FSIP2: variants seen among roughly 807,000 people sequenced by gnomAD.
The protein encoded by FSIP2 is fibrous sheath interacting protein 2, also known as fibrous sheath-interacting protein 2.
FSIP2 carries 367 observed loss-of-function variants against 510.5 expected under a neutral mutation model. That is an observed-to-expected ratio of 0.72 (90% confidence interval 0.66 to 0.78). FSIP2 has a LOEUF of 0.78. Among genes scored for constraint, FSIP2 ranks in the 30% least tolerant of loss-of-function variants. FSIP2 has a pLI of 0.00. For missense variants in FSIP2, 7,594 were observed against 7,901.7 expected (o/e 0.96, Z 1.48); for synonymous variants, 2,601 against 2,732.2 (o/e 0.95, Z 1.50).
At position 185,806,297 on chromosome 2, in the gene FSIP2, C is replaced by T. The variant is rs530319829; in HGVS notation, c.16991C>T (p.Thr5664Met). ...NEGRRDSPTQ[T>M]CRDEEHHSDY... ...GGGAGAAGAGACTCTCCAACACAAACGTGTAGGGATGAGGAACACCACTCA... is the reference window on the plus strand; with the variant it reads ...GGGAGAAGAGACTCTCCAACACAAATGTGTAGGGATGAGGAACACCACTCA... Residue 5664 changes from threonine to methionine, a missense_variant, in exon 17 of 23, where the codon ACG becomes ATG. Physicochemically the swap from Thr to Met is moderately conservative, Grantham distance 81 (BLOSUM62 -1). Coordinates refer to ENST00000424728, the MANE Select transcript of FSIP2 (RefSeq NM_173651.4). 1.2e-5 allele frequency: 20 copies of T among 1,606,286 alleles called. No homozygotes were observed. The East Asian group carries it at 2.7e-4, about 22-fold the overall frequency.
intron 9 of FSIP2, among the ~76,000 whole-genome samples, chr2:185,758,093 G>A (rs1360630232): frequency 2.0e-5 from 3 of 151,204 alleles, no homozygotes; most frequent in African/African-American, 7.3e-5. Context: ...CATACATTAT[G>A]TAACTTTATA....
chr2:185,802,406 C>G lies in FSIP2; in HGVS notation c.13100C>G (p.Thr4367Arg). The change falls in exon 17 of 23, where the codon ACA becomes AGA. Residue 4367 changes from threonine to arginine, a missense_variant. Physicochemically the swap from Thr to Arg is moderately conservative, Grantham distance 71. Transcript: ENST00000424728. The stretch of plus-strand genomic sequence containing the variant: ...GAACAGGCTTTCTTTTCTTTCAATA[C>G]AGATATTGTGGATGAACTTGCCACC... ...DKEQAFFSFN[T>R]DIVDELATSV... The G allele has an allele frequency of 6.5e-7, 1 of 1,533,452 alleles. No individual in the cohort carries two copies. The highest frequency in any genetic ancestry group is 8.7e-7 in the Non-Finnish European group (1 of 1,145,288). 95.0% of individuals were successfully genotyped at this position (1,533,452 alleles called of 1,614,324 possible). A position where few individuals can be genotyped will look rare whatever the true frequency, so the allele number is the denominator to read the frequency against.
chr2:185,790,712 C>G lies in FSIP2; in HGVS notation c.3576C>G (p.Ser1192=). The stretch of plus-strand genomic sequence containing the variant: ...ACATTTCCAATACCACTAAAAGTTC[C>G]ATTTCATCATCAGTTCATCAGATTT... ...SNYISNTTKS[S]ISSSVHQISL... is the part of the protein sequence containing the mutation. Residue 1192 remains serine (S), a synonymous_variant, in exon 16 of 23, where the codon TCC becomes TCG. Transcript: ENST00000424728. The G allele has an allele frequency of 6.5e-7, 1 of 1,533,906 alleles. No individual in the cohort carries two copies. Among genetic ancestry groups the G allele is most frequent in the Non-Finnish European group, 8.7e-7 (1 of 1,145,404 alleles).
chr2:185,792,071 G>A lies in FSIP2; in HGVS notation c.4935G>A (p.Lys1645=). The stretch of plus-strand genomic sequence containing the variant: ...CTGCTTTATATATGCATGCAAAGAA[G>A]GTATCAAGTGCTATTTTGAAGGTTA... ...FLSALYMHAK[K]VSSAILKVIQ... The change falls in exon 16 of 23, where the codon AAG becomes AAA. Residue 1645 remains lysine (K), a synonymous_variant. Coordinates refer to ENST00000424728, the MANE Select transcript of FSIP2 (RefSeq NM_173651.4). 6.5e-7 allele frequency: 1 copy of A among 1,533,650 alleles called. No homozygotes were observed. The highest frequency in any genetic ancestry group is 1.2e-5 in the South Asian group (1 of 84,002).
rs766097562 is a variant in FSIP2, at chr2:185,791,789, A to G, written c.4653A>G (p.Glu1551=). The G allele has an allele frequency of 1.3e-6, 2 of 1,534,430 alleles. No homozygotes were observed. The highest frequency in any genetic ancestry group is 2.4e-5 in the South Asian group (2 of 83,984). ...GAAGGGTTCAGGAGGACAATAAAGA[A>G]GAGACTAAAAGCAAGGCAAAACCTG... ...VSRRVQEDNK[E]ETKSKAKPVA... is the part of the protein sequence containing the mutation. Residue 1551 remains glutamate (E), a synonymous_variant, in exon 16 of 23, where the codon GAA becomes GAG. Coordinates refer to ENST00000424728, the MANE Select transcript of FSIP2 (RefSeq NM_173651.4).
At chr2:185,750,602 T>C (rs1425403853) in intron 7 of FSIP2, among the ~76,000 whole-genome samples, 3 of 26,896 alleles carry the variant, frequency 1.1e-4, no homozygotes, top group East Asian at 2.0e-3. Flanking sequence ...TGCATTTCTC[T>C]GTTTTTTTTT....
At chr2:185,742,768 T>C (rs1544710) in intron 2 of FSIP2, among the ~76,000 whole-genome samples, 82,783 of 152,090 alleles carry the variant, frequency 0.54, 22,796 homozygotes, top group South Asian at 0.64. Flanking sequence ...TAGAATATTT[T>C]GATTCGAGAG....
rs562391567 is a variant in FSIP2, at chr2:185,802,000, C to T, written c.12694C>T (p.Gln4232Ter). Residue 4232 changes from glutamine (Q) to a stop codon, truncating the protein, a stop_gained, in exon 17 of 23, where the codon CAA becomes TAA. Coordinates refer to ENST00000424728, the MANE Select transcript of FSIP2 (RefSeq NM_173651.4). LOFTEE classifies it high-confidence loss of function. Reference protein sequence around the residue: ...LQMSDSLVSIQKSIVSRSPIM... With the variant: ...LQMSDSLVSI The stretch of plus-strand genomic sequence containing the variant: ...AATGTCTGACTCTCTTGTTTCAATA[C>T]AAAAAAGTATAGTAAGCCGAAGCCC... 3.9e-6 allele frequency: 6 copies of T among 1,522,942 alleles called. No homozygotes were observed. The South Asian group carries it at 6.1e-5, about 15-fold the overall frequency. The allele number at this position is 1,522,942 out of a possible 1,614,324, so 94.3% of individuals were successfully genotyped here.
chr2:185,793,093 C>A lies in FSIP2; in HGVS notation c.5957C>A (p.Ser1986Ter). ...FSCCSVDHTK[S>*]GKTNLCQLSL... is the part of the protein sequence containing the mutation. ...TGTTGCTCAGTAGATCATACCAAGT[C>A]AGGAAAGACCAACTTGTGCCAACTG... Residue 1986 changes from serine (S) to a stop codon, truncating the protein, a stop_gained, in exon 16 of 23, where the codon TCA becomes TAA. Coordinates refer to ENST00000424728, the MANE Select transcript of FSIP2 (RefSeq NM_173651.4). LOFTEE classifies it high-confidence loss of function. The A allele has an allele frequency of 6.5e-7, 1 of 1,534,298 alleles. No homozygotes were observed. Among genetic ancestry groups the A allele is most frequent in the South Asian group, 1.2e-5 (1 of 84,006 alleles).
intron 19 of FSIP2, among the ~76,000 whole-genome samples, chr2:185,818,796 G>C (rs115092229): frequency 0.015 from 2,261 of 151,894 alleles, 28 homozygotes; most frequent in Non-Finnish European, 0.025. Flanking sequence ...ATTAACACTA[G>C]ATCTACCTGA....
intron 17 of FSIP2, 80 bp downstream of exon 17, chr2:185,809,213 T>C (rs1032708401): frequency 6.3e-6 from 9 of 1,431,648 alleles, no homozygotes; most frequent in Non-Finnish European, 8.4e-6. Flanking sequence ...CAAATAAGTA[T>C]ATGGAAATGC....
chr2:185,824,360 G>A, intron 19 of FSIP2, 74 bp from the exon 20 acceptor site: 3 of 954,472 alleles, frequency 3.1e-6, no homozygotes, highest in Non-Finnish European at 5.0e-6. Flanking sequence ...GAGAATAACT[G>A]TTCTTTTGCT....
chr2:185,774,166 T>A (rs1423211421), intron 13 of FSIP2, among the ~76,000 whole-genome samples: 2 of 152,160 alleles, frequency 1.3e-5, no homozygotes, highest in Non-Finnish European at 2.9e-5. Context: ...GAAGTTGTCA[T>A]TTGCCTGGGT....
At position 185,796,533 on chromosome 2, in the gene FSIP2, A is replaced by G. The variant is rs1381684261; in HGVS notation, c.9397A>G (p.Asn3133Asp). The change falls in exon 16 of 23, where the codon AAT becomes GAT. Residue 3133 changes from asparagine to aspartate, a missense_variant. Coordinates refer to ENST00000424728, the MANE Select transcript of FSIP2 (RefSeq NM_173651.4). ...ACTAATGGACCAGTGTACTTATTTC[A>G]ATGAGTCTTTGATACAAAACCTTTC... is the stretch of plus-strand genomic sequence containing the variant. Reference protein sequence around the residue: ...GTLMDQCTYFNESLIQNLSRE... With the variant: ...GTLMDQCTYFDESLIQNLSRE... 22 of 1,534,994 alleles carry G rather than the reference A, an allele frequency of 1.4e-5. No individual in the cohort carries two copies. Among genetic ancestry groups the G allele is most frequent in the Non-Finnish European group, 1.7e-5 (20 of 1,146,232 alleles).
upstream of FSIP2, among the ~76,000 whole-genome samples, chr2:185,737,925 TAA>T (rs1332245260): frequency 1.3e-5 from 2 of 151,944 alleles, no homozygotes; most frequent in Non-Finnish European, 2.9e-5. Flanking sequence ...CTTTGAAAAA[TAA>T]AGAGTAATTA....
rs547377881 is a variant in FSIP2, at chr2:185,823,643, G to A, written c.20427-791G>A. On this transcript the variant is annotated intron_variant, in intron 19 of 22. Transcript: ENST00000424728. ...TGAAACCCTTGTGCATCAATGGTGG[G>A]AACTTCAATAGTGCAGACATTGTGG... 4.0e-5 allele frequency among the ~76,000 whole-genome samples: 6 copies of A among 151,780 alleles called. No individual in the cohort carries two copies. The South Asian group carries it at 1.2e-3, about 32-fold the overall frequency.
Position 185,804,408 on chromosome 2 carries a change from T to C in FSIP2, c.15102T>C (p.Asp5034=), listed in dbSNP as rs1157524082. The C allele has an allele frequency of 2.7e-6, 4 of 1,505,698 alleles. 1 individual carries two copies. The Admixed American group carries it at 8.5e-5, about 32-fold the overall frequency. 93.3% of individuals were successfully genotyped at this position (1,505,698 alleles called of 1,614,324 possible). ...ACTCAGTATATGGAAAAGTATTAGA[T>C]CAATATAAATCTCTGATTCAAATAC... is the stretch of plus-strand genomic sequence containing the variant. ...IVNSVYGKVL[D]QYKSLIQIHR... is the part of the protein sequence containing the mutation. The change falls in exon 17 of 23, where the codon GAT becomes GAC. Residue 5034 remains aspartate (D), a synonymous_variant. Coordinates refer to ENST00000424728, the MANE Select transcript of FSIP2 (RefSeq NM_173651.4).
intron 13 of FSIP2, 147 bp downstream of exon 13, chr2:185,764,712 A>C: frequency 1.7e-6 from 1 of 593,482 alleles, no homozygotes; most frequent in Non-Finnish European, 3.0e-6. Context: ...CAGGGTTCTT[A>C]CAGTATACTT....
intron 2 of FSIP2, among the ~76,000 whole-genome samples, chr2:185,740,793 T>A (rs888491392): frequency 3.9e-5 from 6 of 152,018 alleles, no homozygotes; most frequent in African/African-American, 1.4e-4. Flanking sequence ...GAACATTATC[T>A]CCCTTGATGA....
Sources: gnomAD v4.1 joint callset for allele counts (sites outside exome capture counted in the v4.1 genomes callset) on GRCh38, gnomAD v4.1.1 for gene constraint, MANE v1.5 for transcripts, NCBI Gene and HGNC (gene_info 2026-07-23, HGNC 2026-07-21) for gene names.